ANAPC15: variants seen among roughly 807,000 people sequenced by gnomAD.
ANAPC15 encodes the protein anaphase promoting complex subunit 15, also known as anaphase-promoting complex subunit 15.
Under a neutral mutation model 19.8 loss-of-function variants are expected in ANAPC15, and 13 were observed. The ratio of observed to expected loss-of-function variants is 0.66; its 90% CI spans 0.43 to 1.04. The LOEUF is 1.04. Among genes scored for constraint, ANAPC15 ranks in the 50% least tolerant of loss-of-function variants. The pLI is 0.00. For synonymous variants in ANAPC15, 45 were observed against 50.7 expected, an observed-to-expected ratio of 0.89 and a Z score of 0.47; for missense variants, 88 against 150.3, an observed-to-expected ratio of 0.59 and a Z score of 2.17.
chr11:72,107,554 G>A (rs1391237734), downstream of ANAPC15: 2 of 702,504 alleles, frequency 2.8e-6, no homozygotes, highest in Non-Finnish European at 5.2e-6. Context: ...GGGCACAGTT[G>A]TTTGGGATGG....
At chr11:72,109,581 C>T (rs1407129534), downstream of ANAPC15, 4 of 519,004 alleles carry the variant, frequency 7.7e-6, no homozygotes, top group Admixed American at 6.4e-5. Context: ...AGGGAATAGA[C>T]ATGGGTGGAA....
chr11:72,107,125 G>T, downstream of ANAPC15: 1 of 348,800 alleles, frequency 2.9e-6, no homozygotes, highest in East Asian at 5.1e-5. Context: ...AAATTAGCCG[G>T]GTGTGGTGGT....
At chr11:72,106,435 G>T, downstream of ANAPC15, 1 of 462,542 alleles carries the variant, frequency 2.2e-6, no homozygotes, top group Non-Finnish European at 3.7e-6. Context: ...GCCAGGGAGA[G>T]GGGTAGAGGC....
chr11:72,106,395 C>T (rs760043225), downstream of ANAPC15: 154 of 620,048 alleles, frequency 2.5e-4, no homozygotes, highest in Middle Eastern at 3.4e-3. Context: ...CATTTATTGC[C>T]ACCTCTTTTG....
chr11:72,109,675 G>T lies in ANAPC15; in HGVS notation c.*206C>A. 1 of 631,674 alleles carries T rather than the reference G, an allele frequency of 1.6e-6. No individual in the cohort carries two copies. Among genetic ancestry groups the T allele is most frequent in the Non-Finnish European group, 2.8e-6 (1 of 357,692 alleles). 39.1% of individuals were successfully genotyped at this position (631,674 alleles called of 1,614,324 possible). ...GGTACTGGCCAGGAAGGTGGAGTAG[G>T]TTTCAGGCCCTGGGGATTTCAAGTG... On this transcript the variant is annotated 3_prime_UTR_variant, in exon 6 of 6. Transcript: ENST00000227618.
chr11:72,109,521 C>T, downstream of ANAPC15: 1 of 399,222 alleles, frequency 2.5e-6, no homozygotes, highest in Non-Finnish European at 4.8e-6. Context: ...GTGCCCTCTT[C>T]CTAAAGCCCA....
downstream of ANAPC15, chr11:72,108,059 C>A (rs1945883960): frequency 6.5e-7 from 1 of 1,548,156 alleles, no homozygotes; most frequent in East Asian, 2.4e-5. Context: ...TGGAGCGGGA[C>A]CCACGCACGG....
chr11:72,108,856 C>A, downstream of ANAPC15: 2 of 1,550,672 alleles, frequency 1.3e-6, no homozygotes, highest in South Asian at 2.4e-5. Context: ...GCCTCCACCA[C>A]ACTGGCCTTC....
At chr11:72,112,497 C>A in intron 1 of ANAPC15, 153 bp downstream of exon 1, 1 of 317,206 alleles carries the variant, frequency 3.2e-6, no homozygotes, top group South Asian at 2.3e-5. Flanking sequence ...GGGGCTTAGT[C>A]TCGAGGAAGC....
chr11:72,109,024 G>A (rs1441067128), downstream of ANAPC15: 10 of 1,059,114 alleles, frequency 9.4e-6, no homozygotes, highest in Admixed American at 8.4e-5. Flanking sequence ...CTTGACACAC[G>A]CTGGGCTCAG....
chr11:72,107,470 A>G (rs1348817682), downstream of ANAPC15: 2 of 702,888 alleles, frequency 2.8e-6, no homozygotes, highest in Non-Finnish European at 5.2e-6. Context: ...GCAGATGGCG[A>G]TGGGGGTGGG....
At chr11:72,109,531 A>C, downstream of ANAPC15, 1 of 407,602 alleles carries the variant, frequency 2.5e-6, no homozygotes, top group Non-Finnish European at 4.7e-6. Flanking sequence ...CCTAAAGCCC[A>C]AAAGAAGATG....
chr11:72,110,267 T>G (rs1426408910), intron 4 of ANAPC15, 42 bp from the exon 5 acceptor site: 1 of 1,609,768 alleles, frequency 6.2e-7, no homozygotes, highest in East Asian at 2.2e-5. Context: ...CAGGCCTGCA[T>G]GGACCAGTTC....
At position 72,111,472 on chromosome 11, in the gene ANAPC15, CCTCT is replaced by C; in HGVS notation, c.-75_-72del. 1 of 535,162 alleles carries C rather than the reference CCTCT, an allele frequency of 1.9e-6. No homozygotes were observed. Among genetic ancestry groups the C allele is most frequent in the Non-Finnish European group, 3.4e-6 (1 of 295,416 alleles). 33.2% of individuals were successfully genotyped at this position (535,162 alleles called of 1,614,324 possible). ...GTTTGACCTTGGCTGAGTCACTTAACCTCTCTGAGCCTCAGTGTCTTCATCTGTA... is the reference window on the plus strand; with the variant it reads ...GTTTGACCTTGGCTGAGTCACTTAACCTGAGCCTCAGTGTCTTCATCTGTA... On this transcript the variant is annotated 5_prime_UTR_variant, in exon 2 of 6. An upstream open reading frame in the 5' UTR loses its in-frame stop. Coordinates refer to ENST00000227618, the MANE Select transcript of ANAPC15 (RefSeq NM_014042.3).
At position 72,109,650 on chromosome 11, in the gene ANAPC15, G is replaced by A; in HGVS notation, c.*231C>T. 1 of 605,348 alleles carries A rather than the reference G, an allele frequency of 1.7e-6. No homozygotes were observed. The highest frequency in any genetic ancestry group is 2.9e-6 in the Non-Finnish European group (1 of 339,856). 37.5% of individuals were successfully genotyped at this position (605,348 alleles called of 1,614,324 possible). A position where few individuals can be genotyped will look rare whatever the true frequency, so the allele number is the denominator to read the frequency against. ...ACCAGACCTGGCAATCAAGGGGTGA[G>A]GTACTGGCCAGGAAGGTGGAGTAGG... On this transcript the variant is annotated 3_prime_UTR_variant, in exon 6 of 6. Transcript: ENST00000227618.
Position 72,109,632 on chromosome 11 carries a change from C to T in ANAPC15, c.*249G>A, listed in dbSNP as rs1946153998. 1.7e-6 allele frequency: 1 copy of T among 597,054 alleles called. No homozygotes were observed. Among genetic ancestry groups the T allele is most frequent in the South Asian group, 2.0e-5 (1 of 50,092 alleles). The allele number at this position is 597,054 out of a possible 1,614,324, so 37.0% of individuals were successfully genotyped here. On this transcript the variant is annotated 3_prime_UTR_variant, in exon 6 of 6. Coordinates refer to ENST00000227618, the MANE Select transcript of ANAPC15 (RefSeq NM_014042.3). The stretch of plus-strand genomic sequence containing the variant: ...TTTATTAAAGAAACTTAGACCAGAC[C>T]TGGCAATCAAGGGGTGAGGTACTGG...
chr11:72,107,410 T>C (rs1945790289), downstream of ANAPC15: 9 of 699,772 alleles, frequency 1.3e-5, no homozygotes, highest in Admixed American at 4.0e-5. Context: ...TGGGACTTCA[T>C]GGAGAAAGAG....
downstream of ANAPC15, chr11:72,107,820 T>C: frequency 2.3e-6 from 3 of 1,290,918 alleles, no homozygotes; most frequent in South Asian, 2.7e-5. Context: ...AGACCCCGGC[T>C]GGTTGGGAGC....
chr11:72,110,068 C>T lies in ANAPC15; in HGVS notation c.318+20G>A, dbSNP rs1340774537. Reference sequence around the variant, plus strand: ...GCAAGGGTCCAGGAACAGAGGCCCTCCCCCATACCCCTTGCCTACCTCATT... The same window carrying T: ...GCAAGGGTCCAGGAACAGAGGCCCTTCCCCATACCCCTTGCCTACCTCATT... On this transcript the variant is annotated intron_variant, in intron 5 of 5. Coordinates refer to ENST00000227618, the MANE Select transcript of ANAPC15 (RefSeq NM_014042.3). 1.2e-6 allele frequency: 2 copies of T among 1,613,932 alleles called. No individual in the cohort carries two copies. The highest frequency in any genetic ancestry group is 2.2e-5 in the East Asian group (1 of 44,796).
Sources: allele counts gnomAD v4.1 joint callset, GRCh38; gene constraint gnomAD v4.1.1; transcripts MANE v1.5; gene names NCBI Gene and HGNC (gene_info 2026-07-23, HGNC 2026-07-21).